The following ACACB variants were observed in gnomAD, a reference collection of about 807,000 sequenced individuals.
ACACB encodes acetyl-CoA carboxylase beta.
A neutral mutation model predicts 278.8 loss-of-function variants in ACACB; 209 were observed. That is an observed-to-expected ratio of 0.75 (90% CI 0.67 to 0.84). The LOEUF is 0.84. Among genes scored for constraint, ACACB ranks in the 40% least tolerant of loss-of-function variants. The probability of loss-of-function intolerance (pLI) is 0.00; values close to 1 mark genes in which losing one functional copy is unlikely to be tolerated. For missense variants in ACACB, 2,850 were observed against 3,269.0 expected, an observed-to-expected ratio of 0.87 and a Z score of 3.13; for synonymous variants, 1,174 against 1,285.6, an observed-to-expected ratio of 0.91 and a Z score of 1.86.
intron 21 of ACACB, among the ~76,000 whole-genome samples, chr12:109,210,410 C>T (rs148452851): frequency 0.014 from 1,810 of 129,526 alleles, 66 homozygotes; most frequent in African/African-American, 0.047. Flanking sequence ...TACACGCACA[C>T]ACATGTGTAT....
intron 22 of ACACB, among the ~76,000 whole-genome samples, chr12:109,215,758 T>C (rs975423428): frequency 7.2e-5 from 11 of 151,782 alleles, no homozygotes; most frequent in Non-Finnish European, 1.5e-4. Context: ...TGAGCGAGAC[T>C]CTGTTTCAAA....
At chr12:109,134,115 A>G (rs2042912445) in intron 1 of ACACB, among the ~76,000 whole-genome samples, 1 of 151,920 alleles carries the variant, frequency 6.6e-6, no homozygotes, top group Non-Finnish European at 1.5e-5. Context: ...ACTCTGTGCC[A>G]AGCACCAAGC....
chr12:109,194,610 CTG>C (rs144545047), intron 16 of ACACB, among the ~76,000 whole-genome samples: 2,069 of 95,368 alleles, frequency 0.022, 45 homozygotes, highest in East Asian at 0.06. Flanking sequence ...GCCTCTGCCT[CTG>C]TGTGTGTGTG....
chr12:109,205,379 C>T (rs905536030), intron 19 of ACACB, among the ~76,000 whole-genome samples: 2 of 152,108 alleles, frequency 1.3e-5, no homozygotes, highest in Non-Finnish European at 2.9e-5. Context: ...TAGAAGACCG[C>T]CCTTGGCCCT....
At chr12:109,217,432 C>T (rs1185632564) in intron 24 of ACACB, among the ~76,000 whole-genome samples, 1 of 151,952 alleles carries the variant, frequency 6.6e-6, no homozygotes, top group Non-Finnish European at 1.5e-5. Context: ...GTTGGGAGCC[C>T]GAGGTGGGAG....
At chr12:109,132,229 A>C (rs1367940221) in intron 1 of ACACB, among the ~76,000 whole-genome samples, 1 of 151,588 alleles carries the variant, frequency 6.6e-6, no homozygotes, top group African/African-American at 2.4e-5. Flanking sequence ...CAGTGGTATG[A>C]TCTCAGCTCA....
chr12:109,248,517 C>G (rs927024022), intron 40 of ACACB, among the ~76,000 whole-genome samples: 2 of 150,542 alleles, frequency 1.3e-5, no homozygotes, highest in Non-Finnish European at 3.0e-5. Flanking sequence ...AAACCACTGG[C>G]GTGAGTCCAA....
At chr12:109,129,194 T>G (rs1311905144) in intron 1 of ACACB, among the ~76,000 whole-genome samples, 1 of 152,174 alleles carries the variant, frequency 6.6e-6, no homozygotes, top group Non-Finnish European at 1.5e-5. Flanking sequence ...GACCATCACT[T>G]AGGACCTTTT....
At chr12:109,210,914 C>T (rs1039688322) in intron 21 of ACACB, among the ~76,000 whole-genome samples, 1 of 149,808 alleles carries the variant, frequency 6.7e-6, no homozygotes, top group Non-Finnish European at 1.5e-5. Flanking sequence ...ACTGAGATGT[C>T]TTATCATAAT....
intron 41 of ACACB, 130 bp from the exon 42 acceptor site, chr12:109,251,916 T>C: frequency 1.7e-6 from 1 of 594,794 alleles, no homozygotes; most frequent in East Asian, 3.0e-5. Flanking sequence ...GTGGTTTGGC[T>C]CCAAATCGGG....
chr12:109,210,088 T>A (rs867524285), intron 21 of ACACB, among the ~76,000 whole-genome samples: 1 of 120,460 alleles, frequency 8.3e-6, no homozygotes, highest in Non-Finnish European at 1.7e-5. Context: ...TATGTATATA[T>A]ACACACATGT....
intron 4 of ACACB, among the ~76,000 whole-genome samples, chr12:109,168,680 G>T (rs920946446): frequency 1.3e-5 from 2 of 151,906 alleles, no homozygotes; most frequent in African/African-American, 2.4e-5. Flanking sequence ...AAATTAACTG[G>T]GTATAGTGGC....
chr12:109,252,424 TA>T (rs759223760), intron 42 of ACACB: 28 of 285,064 alleles, frequency 9.8e-5, no homozygotes, highest in Non-Finnish European at 1.8e-4. Context: ...TGCAGAAAAT[TA>T]GAAAAGGAAC....
intron 31 of ACACB, among the ~76,000 whole-genome samples, chr12:109,234,781 C>A (rs1237179993): frequency 6.6e-6 from 1 of 150,964 alleles, no homozygotes; most frequent in Non-Finnish European, 1.5e-5. Context: ...AGGGTAACAA[C>A]GCACACCGGG....
chr12:109,152,948 TGTGAA>T (rs2043419197), intron 2 of ACACB, among the ~76,000 whole-genome samples: 1 of 151,776 alleles, frequency 6.6e-6, no homozygotes, highest in South Asian at 2.1e-4. Context: ...GTGGCCTTCC[TGTGAA>T]GTGAATTTTT....
rs200732483 is a variant in ACACB at position 109,191,905 on chromosome 12, C to A, written c.2354C>A (p.Ala785Glu). The A allele has an allele frequency of 3.1e-6, 5 of 1,614,082 alleles. No homozygotes were observed. The highest frequency in any genetic ancestry group is 4.2e-6 in the Non-Finnish European group (5 of 1,180,022). ...VVCGALNVAD[A>E]MFRTCMTDFL... is the part of the protein sequence containing the mutation. ...TGCGGGGCCTTGAACGTGGCCGATG[C>A]GATGTTCAGAACGTGCATGACAGAT... The change falls in exon 15 of 53, where the codon GCG becomes GAG. Residue 785 changes from alanine (A) to glutamate (E), a missense_variant. This residue lies in a region of ACACB where 2,265 missense variants were observed against 2,561.3 expected (regional missense o/e 0.88). Coordinates refer to ENST00000338432, the MANE Select transcript of ACACB (RefSeq NM_001093.4).
At chr12:109,183,567 AT>A (rs200400565) in intron 11 of ACACB, among the ~76,000 whole-genome samples, 181 of 150,990 alleles carry the variant, frequency 1.2e-3, no homozygotes, top group African/African-American at 3.9e-3. Context: ...TACTTTCTTG[AT>A]TTTTTTTTCC....
chr12:109,142,589 C>A (rs111337503), intron 2 of ACACB, among the ~76,000 whole-genome samples: 2,506 of 152,018 alleles, frequency 0.016, 26 homozygotes, highest in Non-Finnish European at 0.02. Flanking sequence ...TTTTTTTGGA[C>A]AGAGTCTCAC....
At chr12:109,222,428 G>T (rs2136513867) in intron 24 of ACACB, 79 bp from the exon 25 acceptor site, 1 of 1,335,516 alleles carries the variant, frequency 7.5e-7, no homozygotes, top group Non-Finnish European at 1.1e-6. Context: ...TGCGGCAGGT[G>T]CTCCCCAAGT....
Sources: gnomAD v4.1 joint callset for allele counts (sites outside exome capture counted in the v4.1 genomes callset) on GRCh38, gnomAD v4.1.1 for gene constraint, gnomAD v4.1.1 regional missense constraint, MANE v1.5 for transcripts, NCBI Gene and HGNC (gene_info 2026-07-23, HGNC 2026-07-21) for gene names.